The following FAM161A variants were observed in gnomAD, a reference collection of about 807,000 sequenced individuals.
FAM161A encodes the protein protein FAM161A.
Under a neutral mutation model 70.9 loss-of-function variants are expected in FAM161A, and 57 were observed. The observed-to-expected ratio is 0.80, with a 90% CI of 0.65 to 1.00. FAM161A has a LOEUF of 1.00. Among genes scored for constraint, FAM161A ranks in the 50% least tolerant of loss-of-function variants. The pLI is 0.00. For synonymous variants in FAM161A, 299 were observed against 295.7 expected (o/e 1.01, Z -0.12); for missense variants, 880 against 836.0 (o/e 1.05, Z -0.65).
At chr2:61,819,686 A>G in the FAM161A span, among the ~76,000 whole-genome samples, 1 of 152,036 alleles carries the variant, frequency 6.6e-6, no homozygotes, top group South Asian at 2.1e-4. Flanking sequence ...TTTGTTTCCC[A>G]TGAAGTGTTG....
intron 5 of FAM161A, among the ~76,000 whole-genome samples, chr2:61,834,084 G>C (rs1231984208): frequency 6.6e-6 from 1 of 152,074 alleles, no homozygotes; most frequent in Non-Finnish European, 1.5e-5. Context: ...ATTCACAACA[G>C]CAAAGACATG....
the FAM161A span, among the ~76,000 whole-genome samples, chr2:61,813,495 C>A: frequency 6.9e-6 from 1 of 144,652 alleles, no homozygotes; most frequent in Non-Finnish European, 1.5e-5. Context: ...TTGCAGTGAG[C>A]TGAGATCATG....
At position 61,826,615 on chromosome 2, in the gene FAM161A, T is replaced by C. The variant is rs752502114; in HGVS notation, c.2007-16A>G. The C allele has an allele frequency of 1.6e-5, 25 of 1,596,700 alleles. No homozygotes were observed. Among genetic ancestry groups the C allele is most frequent in the Non-Finnish European group, 2.1e-5 (24 of 1,167,796 alleles). On this transcript the variant is annotated splice_polypyrimidine_tract_variant and intron_variant, in intron 6 of 6. Transcript: ENST00000404929. ...TTCATTAAAGCTAGGGGAAGAAATT[T>C]ATCAATCTTTCAAAGGAAAAATGAG...
chr2:61,819,664 T>G, the FAM161A span, among the ~76,000 whole-genome samples: 1 of 152,184 alleles, frequency 6.6e-6, no homozygotes, highest in Non-Finnish European at 1.5e-5. Flanking sequence ...CTGTCCTATT[T>G]TGATTCTTGT....
chr2:61,809,021 T>C, the FAM161A span, among the ~76,000 whole-genome samples: 3 of 152,084 alleles, frequency 2.0e-5, no homozygotes, highest in Admixed American at 1.3e-4. Flanking sequence ...TGCAGGCACC[T>C]GCCACCACAC....
downstream of FAM161A, chr2:61,820,507 G>C: frequency 1.3e-6 from 1 of 751,496 alleles, no homozygotes; most frequent in South Asian, 1.3e-5. Flanking sequence ...CCACCTAACT[G>C]TGAAAAAGGT....
chr2:61,805,055 C>T, the FAM161A span, among the ~76,000 whole-genome samples: 1 of 151,994 alleles, frequency 6.6e-6, no homozygotes, highest in Non-Finnish European at 1.5e-5. Context: ...GCCCATGAGC[C>T]AGAGATAACA....
chr2:61,851,170 G>C (rs897746500), intron 1 of FAM161A, among the ~76,000 whole-genome samples: 1 of 151,982 alleles, frequency 6.6e-6, no homozygotes, highest in East Asian at 1.9e-4. Context: ...CACCGCGCCC[G>C]GCCCTGTTCA....
In FAM161A at chr2:61,826,290, A is replaced by G; in HGVS notation, c.*165T>C. Reference sequence around the variant, plus strand: ...GGCAAAGCCTTACTCTAACTGATCAAATGACCAATCAGCTGGATTCAGGCT... The same window carrying G: ...GGCAAAGCCTTACTCTAACTGATCAGATGACCAATCAGCTGGATTCAGGCT... On this transcript the variant is annotated 3_prime_UTR_variant, in exon 7 of 7. Transcript: ENST00000404929. The G allele has an allele frequency of 1.3e-6, 1 of 758,170 alleles. No individual in the cohort carries two copies. Among genetic ancestry groups the G allele is most frequent in the South Asian group, 1.5e-5 (1 of 67,692 alleles). The allele number at this position is 758,170 out of a possible 1,614,324, so 47.0% of individuals were successfully genotyped here. A position where few individuals can be genotyped will look rare whatever the true frequency, so the allele number is the denominator to read the frequency against.
the FAM161A span, among the ~76,000 whole-genome samples, chr2:61,814,787 G>A: frequency 6.6e-6 from 1 of 152,224 alleles, no homozygotes; most frequent in East Asian, 1.9e-4. Context: ...CCTACAACCT[G>A]TTGAGTGCGT....
chr2:61,852,162 T>C (rs986373179), intron 1 of FAM161A, among the ~76,000 whole-genome samples: 2 of 152,044 alleles, frequency 1.3e-5, no homozygotes, highest in Non-Finnish European at 2.9e-5. Context: ...ACCAAACTCT[T>C]AAGACTTGGC....
intron 5 of FAM161A, among the ~76,000 whole-genome samples, chr2:61,833,588 G>A (rs1440131994): frequency 6.6e-6 from 1 of 152,174 alleles, no homozygotes; most frequent in Non-Finnish European, 1.5e-5. Flanking sequence ...GTGCTTCCGA[G>A]AGGACGTGTT....
intron 1 of FAM161A, among the ~76,000 whole-genome samples, chr2:61,844,508 G>T (rs1436322338): frequency 1.3e-5 from 2 of 152,010 alleles, no homozygotes; most frequent in Admixed American, 1.3e-4. Flanking sequence ...AGACCAGCCT[G>T]GCCAACATGG....
chr2:61,831,452 A>G (rs1484936557), intron 5 of FAM161A, among the ~76,000 whole-genome samples: 1 of 152,108 alleles, frequency 6.6e-6, no homozygotes, highest in Non-Finnish European at 1.5e-5. Flanking sequence ...GTCTCAACAC[A>G]CATCTGTAAT....
At chr2:61,801,269 G>A in the FAM161A span, among the ~76,000 whole-genome samples, 2 of 151,556 alleles carry the variant, frequency 1.3e-5, no homozygotes, top group South Asian at 2.1e-4. Context: ...AGGCTGAGGC[G>A]GGCGGATCAT....
At chr2:61,818,782 A>C in the FAM161A span, among the ~76,000 whole-genome samples, 1 of 152,216 alleles carries the variant, frequency 6.6e-6, no homozygotes, top group Non-Finnish European at 1.5e-5. Flanking sequence ...AAGACCATCA[A>C]GGAATACTAA....
the FAM161A span, among the ~76,000 whole-genome samples, chr2:61,805,715 G>A: frequency 6.6e-6 from 1 of 152,192 alleles, no homozygotes; most frequent in Middle Eastern, 3.4e-3. Context: ...CCAGGCACAG[G>A]TCCCTGCCCT....
At chr2:61,808,904 C>T in the FAM161A span, among the ~76,000 whole-genome samples, 15 of 151,942 alleles carry the variant, frequency 9.9e-5, no homozygotes, top group East Asian at 7.8e-4. Flanking sequence ...GACAGAATCT[C>T]GCTCTGTCAC....
chr2:61,814,071 A>G, the FAM161A span, among the ~76,000 whole-genome samples: 6 of 152,140 alleles, frequency 3.9e-5, no homozygotes, highest in Non-Finnish European at 8.8e-5. Context: ...ATGGGAGGGA[A>G]CATGCAGAAG....
Sources: allele counts gnomAD v4.1 joint callset (sites outside exome capture counted in the v4.1 genomes callset), GRCh38; gene constraint gnomAD v4.1.1; transcripts MANE v1.5; gene names NCBI Gene and HGNC (gene_info 2026-07-23, HGNC 2026-07-21).